PPP2R2D: variants seen among roughly 807,000 people sequenced by gnomAD.
PPP2R2D encodes the protein serine/threonine-protein phosphatase 2A 55 kDa regulatory subunit B delta isoform.
A neutral mutation model predicts 31.1 loss-of-function variants in PPP2R2D; 9 were observed. That is an observed-to-expected ratio of 0.29 (90% CI 0.17 to 0.51). The LOEUF (loss-of-function observed/expected upper bound fraction) is 0.51, where lower values mean the gene tolerates loss of function less well. Ranked by LOEUF, PPP2R2D falls within the 20% of genes least tolerant of loss-of-function variation. The pLI is 0.98. For missense variants in PPP2R2D, 391 were observed against 465.6 expected, an observed-to-expected ratio of 0.84 and a Z score of 1.48; for synonymous variants, 179 against 172.6, an observed-to-expected ratio of 1.04 and a Z score of -0.29.
At chr10:131,933,116 C>G (rs2036272272) in intron 2 of PPP2R2D, among the ~76,000 whole-genome samples, 1 of 152,196 alleles carries the variant, frequency 6.6e-6, no homozygotes, top group South Asian at 2.1e-4. Flanking sequence ...TAAGAAACAA[C>G]CTAATCCTTC....
In PPP2R2D at chr10:131,957,414, G is replaced by C. The variant is rs781968117; in HGVS notation, c.*1451G>C. On this transcript the variant is annotated 3_prime_UTR_variant, in exon 9 of 9. Transcript: ENST00000455566. Reference sequence around the variant, plus strand: ...CTCGTGCCCCTGTGGAGATGGAGGTGTGTGCTGATCCCCCATCCCATCCCC... The same window carrying C: ...CTCGTGCCCCTGTGGAGATGGAGGTCTGTGCTGATCCCCCATCCCATCCCC... The C allele has an allele frequency of 4.7e-6, 1 of 211,204 alleles. No individual in the cohort carries two copies. Among genetic ancestry groups the C allele is most frequent in the African/African-American group, 2.4e-5 (1 of 41,822 alleles). The allele number at this position is 211,204 out of a possible 1,614,324, so 13.1% of individuals were successfully genotyped here. A position where few individuals can be genotyped will look rare whatever the true frequency, so the allele number is the denominator to read the frequency against.
chr10:131,931,267 C>A (rs2036219884), intron 2 of PPP2R2D, among the ~76,000 whole-genome samples: 1 of 152,238 alleles, frequency 6.6e-6, no homozygotes, highest in Non-Finnish European at 1.5e-5. Flanking sequence ...ACTGTAGCGG[C>A]TGGTAGTAGT....
intron 4 of PPP2R2D, 72 bp from the exon 5 acceptor site, chr10:131,940,510 C>A (rs1304564047): frequency 4.4e-6 from 3 of 686,020 alleles, no homozygotes; most frequent in Non-Finnish European, 8.0e-6. Flanking sequence ...CTTTCTAATA[C>A]CAGTACTCAA....
At position 131,947,914 on chromosome 10, in the gene PPP2R2D, C is replaced by T; in HGVS notation, c.1082+123C>T. The T allele has an allele frequency of 8.0e-7, 1 of 1,256,494 alleles. No homozygotes were observed. The highest frequency in any genetic ancestry group is 2.3e-5 in the East Asian group (1 of 42,668). The allele number at this position is 1,256,494 out of a possible 1,614,324, so 77.8% of individuals were successfully genotyped here. A position where few individuals can be genotyped will look rare whatever the true frequency, so the allele number is the denominator to read the frequency against. On this transcript the variant is annotated intron_variant, in intron 8 of 8. Coordinates refer to ENST00000455566, the MANE Select transcript of PPP2R2D (RefSeq NM_018461.5). The surrounding 1 kb of genome is among the most constrained non-coding windows in gnomAD (Gnocchi z 4.3). ...AGGACGCTCATAGGGTGTTGTTTTC[C>T]AGACCTTTTGATTGATGGATGATAG...
intron 8 of PPP2R2D, among the ~76,000 whole-genome samples, chr10:131,953,292 G>C (rs1435842811): frequency 1.7e-5 from 2 of 119,920 alleles, no homozygotes; most frequent in Non-Finnish European, 3.3e-5. Context: ...GGTATGCGGG[G>C]GTTCACTGTC....
chr10:131,944,262 C>A, intron 6 of PPP2R2D, 117 bp downstream of exon 6: 1 of 751,300 alleles, frequency 1.3e-6, no homozygotes, highest in Non-Finnish European at 2.1e-6. Context: ...ACCATCACTG[C>A]ACAGCAGCCT....
intron 2 of PPP2R2D, among the ~76,000 whole-genome samples, chr10:131,926,262 T>C (rs536696080): frequency 6.6e-6 from 1 of 152,368 alleles, no homozygotes; most frequent in South Asian, 2.1e-4. Context: ...AATTCACTTC[T>C]ATTAGTTTAT....
chr10:131,907,251 G>A (rs926727773), intron 2 of PPP2R2D, among the ~76,000 whole-genome samples: 12 of 151,376 alleles, frequency 7.9e-5, no homozygotes, highest in South Asian at 2.1e-4. Flanking sequence ...AATTATTTCC[G>A]GTCTGATTTC....
Position 131,955,746 on chromosome 10 carries a change from A to T in PPP2R2D, c.1145A>T (p.Asp382Val). 6.4e-7 allele frequency: 1 copy of T among 1,555,722 alleles called. No homozygotes were observed. The highest frequency in any genetic ancestry group is 8.7e-7 in the Non-Finnish European group (1 of 1,145,580). The change falls in exon 9 of 9, where the codon GAT becomes GTT. Residue 382 changes from aspartate (D) to valine (V), a missense_variant. Transcript: ENST00000455566. ...FRMFDRDTRRDVTLEASRESS... is the reference protein window; with the variant it reads ...FRMFDRDTRRVVTLEASRESS... Reference sequence around the variant, plus strand: ...ATGTTTGATAGAGACACGCGGAGGGATGTGACCCTGGAGGCCTCGAGAGAG... The same window carrying T: ...ATGTTTGATAGAGACACGCGGAGGGTTGTGACCCTGGAGGCCTCGAGAGAG...
chr10:131,960,349 G>A (rs1554901260), downstream of PPP2R2D, among the ~76,000 whole-genome samples: 1 of 152,222 alleles, frequency 6.6e-6, no homozygotes. Flanking sequence ...TCAGGTGGAG[G>A]TTTGCTGCTC....
At chr10:131,922,333 C>T (rs781808824) in intron 2 of PPP2R2D, among the ~76,000 whole-genome samples, 12 of 151,992 alleles carry the variant, frequency 7.9e-5, no homozygotes, top group Non-Finnish European at 1.8e-4. Flanking sequence ...TTAAGTATTC[C>T]TCATCACAAA....
At chr10:131,923,610 C>G (rs139455534) in intron 2 of PPP2R2D, among the ~76,000 whole-genome samples, 9 of 152,242 alleles carry the variant, frequency 5.9e-5, no homozygotes, top group African/African-American at 2.2e-4. Context: ...TATTGTCTGT[C>G]TAATTTTAGC....
intron 2 of PPP2R2D, among the ~76,000 whole-genome samples, chr10:131,902,254 A>G (rs1308957822): frequency 1.3e-5 from 2 of 152,208 alleles, no homozygotes; most frequent in Non-Finnish European, 2.9e-5. Flanking sequence ...GTAAACCTTT[A>G]ACCTTTTCTT....
the PPP2R2D span, among the ~76,000 whole-genome samples, chr10:131,965,490 C>T: frequency 6.6e-6 from 1 of 152,186 alleles, no homozygotes; most frequent in Non-Finnish European, 1.5e-5. Flanking sequence ...CGCTCTGTCG[C>T]CCAGGCTGGA....
intron 2 of PPP2R2D, among the ~76,000 whole-genome samples, chr10:131,918,747 T>A (rs1373279680): frequency 2.1e-5 from 3 of 142,050 alleles, no homozygotes; most frequent in Non-Finnish European, 4.6e-5. Context: ...TGACACAGTG[T>A]TTGTAGGGAC....
Position 131,944,004 on chromosome 10 carries a change from G to A in PPP2R2D, c.514G>A (p.Ala172Thr). 1 of 1,188,176 alleles carries A rather than the reference G, an allele frequency of 8.4e-7. No homozygotes were observed. Among genetic ancestry groups the A allele is most frequent in the Non-Finnish European group, 1.3e-6 (1 of 791,466 alleles). 73.6% of individuals were successfully genotyped at this position (1,188,176 alleles called of 1,614,324 possible). The change falls in exon 6 of 9, where the codon GCG (alanine) becomes ACG (threonine). Residue 172 changes from alanine (A) to threonine (T), a missense_variant. Around this residue, in one of 3 missense-constraint regions of PPP2R2D, gnomAD observed 105 missense variants for 98.5 expected, o/e 1.07. Transcript: ENST00000455566. ...GAAGCCCATGGATCTTATGGTAGAA[G>A]CGAGTCCACGGCGAATTTTTGCAAA... ...ILKPMDLMVE[A>T]SPRRIFANAH...
At chr10:131,964,666 GT>G (rs60096905), downstream of PPP2R2D, among the ~76,000 whole-genome samples, 20,004 of 133,502 alleles carry the variant, frequency 0.15, 1,354 homozygotes, top group African/African-American at 0.22. Context: ...AGTTTACTAT[GT>G]TTTTTTTTTT....
intron 6 of PPP2R2D, among the ~76,000 whole-genome samples, chr10:131,944,732 GT>G (rs1375782322): frequency 6.6e-6 from 1 of 152,176 alleles, no homozygotes; most frequent in Non-Finnish European, 1.5e-5. Context: ...TTTCTTAGTT[GT>G]TTCAGCTTGA....
In PPP2R2D at chr10:131,917,534, G is replaced by C. The variant is rs539865737; in HGVS notation, c.100+16204G>C. Among the ~76,000 whole-genome samples, 759 of 119,598 alleles carry C rather than the reference G, an allele frequency of 6.3e-3. 75 individuals are homozygous for C. Among genetic ancestry groups the C allele is most frequent in the African/African-American group, 0.023 (721 of 30,846 alleles). The allele number at this position is 119,598 out of a possible 152,430, so 78.5% of individuals were successfully genotyped here. A position where few individuals can be genotyped will look rare whatever the true frequency, so the allele number is the denominator to read the frequency against. On this transcript the variant is annotated intron_variant, in intron 2 of 8. Coordinates refer to ENST00000455566, the MANE Select transcript of PPP2R2D (RefSeq NM_018461.5). Reference sequence around the variant, plus strand: ...TGACACAGTGTTTGTAGGGACCTCAGGCGGGTGGAATGACACAGTGTTTGT... The same window carrying C: ...TGACACAGTGTTTGTAGGGACCTCACGCGGGTGGAATGACACAGTGTTTGT...
Sources: allele counts gnomAD v4.1 joint callset (sites outside exome capture counted in the v4.1 genomes callset), GRCh38; gene constraint gnomAD v4.1.1; regional missense constraint gnomAD v4.1.1; non-coding constraint Gnocchi (gnomAD v3.1); transcripts MANE v1.5; gene names NCBI Gene and HGNC (gene_info 2026-07-23, HGNC 2026-07-21).